The following FREM2 variants were observed in gnomAD, a reference collection of about 807,000 sequenced individuals.
The protein encoded by FREM2 is FRAS1 related extracellular matrix 2.
A neutral mutation model predicts 219.9 loss-of-function variants in FREM2; 119 were observed. That is an observed-to-expected ratio of 0.54 (90% CI 0.47 to 0.63). The LOEUF (loss-of-function observed/expected upper bound fraction) is 0.63, where lower values mean the gene tolerates loss of function less well. Ranked by LOEUF, FREM2 falls within the 30% of genes least tolerant of loss-of-function variation. FREM2 has a pLI of 0.00. For missense variants in FREM2, 4,030 were observed against 3,993.6 expected (o/e 1.01, Z -0.25); for synonymous variants, 1,562 against 1,522.8 (o/e 1.03, Z -0.60).
Position 38,691,807 on chromosome 13 carries a change from C to T in FREM2, c.4463C>T (p.Ala1488Val). The change falls in exon 1 of 24, where the codon GCT becomes GTT. Residue 1488 changes from alanine (A) to valine (V), a missense_variant. Ala to Val is a moderately conservative substitution (Grantham distance 64, BLOSUM62 0). Coordinates refer to ENST00000280481, the MANE Select transcript of FREM2 (RefSeq NM_207361.6). ...SITSFTQLQL[A>V]GNKIYYIHTA... ...ACGTCTTTCACTCAGCTGCAACTGG[C>T]TGGAAACAAAATCTACTACATCCAC... 2.5e-6 allele frequency: 4 copies of T among 1,614,124 alleles called. No individual in the cohort carries two copies. Among genetic ancestry groups the T allele is most frequent in the Non-Finnish European group, 3.4e-6 (4 of 1,180,034 alleles).
rs1204898785 is a variant in FREM2, at chr13:38,876,166, CTTAA to C, written c.8409+24_8409+27del. On this transcript the variant is annotated intron_variant, in intron 19 of 23. Transcript: ENST00000280481. ...GACTTTGCCGTAAGTGACTAAGACT[CTTAA>C]TTAATTTTCTTCTGCTGCTGCCATC... is the stretch of plus-strand genomic sequence containing the variant. 1.2e-6 allele frequency: 2 copies of C among 1,613,952 alleles called. No individual in the cohort carries two copies. The highest frequency in any genetic ancestry group is 2.7e-5 in the African/African-American group (2 of 74,876).
At chr13:38,786,715 T>C (rs1198144325) in intron 6 of FREM2, among the ~76,000 whole-genome samples, 1 of 152,190 alleles carries the variant, frequency 6.6e-6, no homozygotes, top group Non-Finnish European at 1.5e-5. Flanking sequence ...TGGATTGCTA[T>C]GGGATGCACA....
chr13:38,758,852 A>G (rs999229159), intron 2 of FREM2, among the ~76,000 whole-genome samples: 2 of 152,146 alleles, frequency 1.3e-5, no homozygotes, highest in African/African-American at 4.8e-5. Flanking sequence ...AGAGAACAAG[A>G]CTTCTTAAAA....
rs1870180676 is a variant in FREM2, at chr13:38,697,850, A to G, written c.5263+63A>G. ...AGACGCTTTTCTTGGTTGCTCTCTG[A>G]TGACATTATTACAAGAAGTCTTCAT... is the stretch of plus-strand genomic sequence containing the variant. On this transcript the variant is annotated intron_variant, in intron 2 of 23. Coordinates refer to ENST00000280481, the MANE Select transcript of FREM2 (RefSeq NM_207361.6). 4.5e-6 allele frequency: 4 copies of G among 898,854 alleles called. No individual in the cohort carries two copies. The Admixed American group carries it at 7.0e-5, about 16-fold the overall frequency. 55.7% of individuals were successfully genotyped at this position (898,854 alleles called of 1,614,324 possible). A position where few individuals can be genotyped will look rare whatever the true frequency, so the allele number is the denominator to read the frequency against.
chr13:38,757,271 G>A (rs1007859257), intron 2 of FREM2, among the ~76,000 whole-genome samples: 1 of 152,120 alleles, frequency 6.6e-6, no homozygotes, highest in Admixed American at 6.6e-5. Context: ...ATAGTAATGT[G>A]GACTGTGATA....
chr13:38,863,670 T>C (rs1158713479), intron 15 of FREM2, among the ~76,000 whole-genome samples: 1 of 152,194 alleles, frequency 6.6e-6, no homozygotes, highest in African/African-American at 2.4e-5. Context: ...ATTTATCATA[T>C]CTTGTAGTCT....
intron 4 of FREM2, among the ~76,000 whole-genome samples, chr13:38,779,955 G>A (rs139708083): frequency 6.4e-4 from 98 of 152,158 alleles, no homozygotes; most frequent in African/African-American, 2.1e-3. Context: ...TCATTTGCTC[G>A]GTTTTCTTTA....
intron 2 of FREM2, among the ~76,000 whole-genome samples, chr13:38,709,666 G>A (rs918058008): frequency 6.6e-6 from 1 of 151,902 alleles, no homozygotes; most frequent in African/African-American, 2.4e-5. Context: ...CAAATCACAC[G>A]GATAATTTAA....
chr13:38,688,613 C>T lies in FREM2; in HGVS notation c.1269C>T (p.Asp423=). The T allele has an allele frequency of 1.2e-6, 2 of 1,614,118 alleles. No individual in the cohort carries two copies. The highest frequency in any genetic ancestry group is 1.7e-6 in the Non-Finnish European group (2 of 1,179,994). Residue 423 remains aspartate, a synonymous_variant, in exon 1 of 24, where the codon GAC becomes GAT. Coordinates refer to ENST00000280481, the MANE Select transcript of FREM2 (RefSeq NM_207361.6). The part of the protein sequence containing the change: ...EVVDLEGAAS[D]PFAFMVVVKP... ...TGGATCTAGAAGGAGCAGCTTCAGA[C>T]CCTTTTGCCTTCATGGTAGTGGTGA... is the stretch of plus-strand genomic sequence containing the variant.
rs145893171 is a variant in FREM2, at chr13:38,859,423, G to A, written c.7352G>A (p.Arg2451Lys). The A allele has an allele frequency of 4.3e-6, 7 of 1,614,036 alleles. No individual in the cohort carries two copies. The African/African-American group carries it at 6.7e-5, about 15-fold the overall frequency. The change falls in exon 14 of 24, where the codon AGA (arginine) becomes AAA (lysine). Residue 2451 changes from arginine to lysine, a missense_variant. Around this residue, in one of 2 missense-constraint regions of FREM2, gnomAD observed 928 missense variants for 1,042.9 expected, o/e 0.89. Coordinates refer to ENST00000280481, the MANE Select transcript of FREM2 (RefSeq NM_207361.6). The part of the protein sequence containing the change: ...AGPDGVTSPM[R>K]EVDFDTFFTS... ...CCTGACGGTGTGACCAGCCCTATGA[G>A]AGAAGTGGACTTCGACACCTTTTTT...
intron 5 of FREM2, among the ~76,000 whole-genome samples, 189 bp downstream of exon 5, chr13:38,783,384 T>G (rs1874197860): frequency 6.6e-6 from 1 of 151,844 alleles, no homozygotes; most frequent in South Asian, 2.1e-4. Context: ...CTGATTTCAC[T>G]TGGTCACTTA....
intron 2 of FREM2, among the ~76,000 whole-genome samples, chr13:38,733,489 T>C (rs1308781616): frequency 1.3e-5 from 2 of 152,110 alleles, no homozygotes; most frequent in African/African-American, 2.4e-5. Flanking sequence ...ATTGTATTCC[T>C]TTGGCTAAAA....
At chr13:38,859,185 T>C (rs1877664925) in intron 13 of FREM2, 102 bp from the exon 14 acceptor site, 1 of 1,112,996 alleles carries the variant, frequency 9.0e-7, no homozygotes, top group Admixed American at 1.7e-5. Flanking sequence ...CATGTGGAAA[T>C]TGGGGAAAGC....
chr13:38,877,404 C>T (rs530112242), intron 21 of FREM2, among the ~76,000 whole-genome samples, 161 bp downstream of exon 21: 2 of 152,154 alleles, frequency 1.3e-5, no homozygotes, highest in Non-Finnish European at 2.9e-5. Flanking sequence ...GAAGTCGTTG[C>T]GATTGGGTAT....
At chr13:38,871,971 T>C (rs1342657813) in intron 16 of FREM2, among the ~76,000 whole-genome samples, 1 of 152,190 alleles carries the variant, frequency 6.6e-6, no homozygotes, top group Non-Finnish European at 1.5e-5. Context: ...TGCTTCCAGA[T>C]CTATGTTTCA....
At chr13:38,860,496 G>A (rs1182179071) in intron 14 of FREM2, among the ~76,000 whole-genome samples, 3 of 152,110 alleles carry the variant, frequency 2.0e-5, no homozygotes, top group Non-Finnish European at 4.4e-5. Flanking sequence ...CTGCATAGAG[G>A]TCATATGTCC....
At chr13:38,876,476 CTT>C in intron 20 of FREM2, 94 bp downstream of exon 20, 6 of 1,032,612 alleles carry the variant, frequency 5.8e-6, no homozygotes, top group Non-Finnish European at 8.8e-6. Context: ...ACGTGAATGA[CTT>C]TAATTCTTGC....
chr13:38,752,854 G>C (rs906358690), intron 2 of FREM2, among the ~76,000 whole-genome samples: 11 of 152,296 alleles, frequency 7.2e-5, no homozygotes, highest in Middle Eastern at 3.4e-3. Flanking sequence ...CAAAGAGGTG[G>C]AGAAGTGTAG....
At chr13:38,839,231 CT>C (rs1200398618) in intron 6 of FREM2, among the ~76,000 whole-genome samples, 2 of 152,196 alleles carry the variant, frequency 1.3e-5, no homozygotes, top group Non-Finnish European at 2.9e-5. Context: ...TTCTGCAGTT[CT>C]GCTGCAGTTT....
Sources: allele counts gnomAD v4.1 joint callset (sites outside exome capture counted in the v4.1 genomes callset), GRCh38; gene constraint gnomAD v4.1.1; regional missense constraint gnomAD v4.1.1; transcripts MANE v1.5; gene names NCBI Gene and HGNC (gene_info 2026-07-23, HGNC 2026-07-21).